Variants in NUBP1 observed in about 807,000 individuals in gnomAD.
The protein encoded by NUBP1 is cytosolic Fe-S cluster assembly factor NUBP1.
Under a neutral mutation model 41.8 loss-of-function variants are expected in NUBP1, and 46 were observed. That is an observed-to-expected ratio of 1.10 (90% CI 0.87 to 1.41). The LOEUF is 1.41. NUBP1 is among the 40% of genes most tolerant of loss of function. The probability of loss-of-function intolerance (pLI) is 0.00; values close to 1 mark genes in which losing one functional copy is unlikely to be tolerated. For synonymous variants in NUBP1, 189 were observed against 154.6 expected (o/e 1.22, Z -1.65); for missense variants, 494 against 414.0 (o/e 1.19, Z -1.68).
intron 3 of NUBP1, among the ~76,000 whole-genome samples, chr16:10,751,162 T>C (rs147811209): frequency 3.9e-5 from 6 of 152,140 alleles, no homozygotes; most frequent in Admixed American, 3.9e-4. Context: ...TCGCTCAAGA[T>C]TCACTCCCCA....
chr16:10,744,275 C>T (rs2541466), intron 2 of NUBP1, among the ~76,000 whole-genome samples: 30,566 of 152,076 alleles, frequency 0.2, 4,835 homozygotes, highest in African/African-American at 0.44. Flanking sequence ...GGAACGAGGC[C>T]TTTAGAAGGC....
At chr16:10,761,176 T>G in intron 7 of NUBP1, 188 bp from the exon 8 acceptor site, 1 of 515,936 alleles carries the variant, frequency 1.9e-6, no homozygotes, top group South Asian at 2.0e-5. Flanking sequence ...TGTAGGGATG[T>G]AGGGATGATG....
At chr16:10,758,079 G>C (rs747320664) in intron 7 of NUBP1, 52 bp downstream of exon 7, 37 of 1,586,730 alleles carry the variant, frequency 2.3e-5, no homozygotes, top group Non-Finnish European at 3.2e-5. Flanking sequence ...CACACTGTGA[G>C]ATTTCTTTCC....
At position 10,747,226 on chromosome 16, in the gene NUBP1, A is replaced by G. The variant is rs1455169565; in HGVS notation, c.208A>G (p.Thr70Ala). The G allele has an allele frequency of 3.7e-6, 6 of 1,614,262 alleles. No homozygotes were observed. The South Asian group carries it at 6.6e-5, about 18-fold the overall frequency. The change falls in exon 3 of 11, where the codon ACA becomes GCA. Residue 70 changes from threonine to alanine, a missense_variant. By Grantham distance (58) the Thr-to-Ala change is moderately conservative. Transcript: ENST00000283027. ...LSGKGGVGKS[T>A]FSAHLAHGLA... The stretch of plus-strand genomic sequence containing the variant: ...TGGGAAAGGCGGTGTTGGGAAAAGC[A>G]CATTCAGCGCCCACCTTGCCCATGG...
chr16:10,751,262 G>A lies in NUBP1; in HGVS notation c.259-1348G>A, dbSNP rs115478023. ...GAGTCACTAGAAACCTGAGAGTATC[G>A]AGGAAAGTCTCTATCACAGTCATAG... On this transcript the variant is annotated intron_variant, in intron 3 of 10. Transcript: ENST00000283027. Among the ~76,000 whole-genome samples, 716 of 152,240 alleles carry A rather than the reference G, an allele frequency of 4.7e-3. 5 individuals are homozygous for A. The highest frequency in any genetic ancestry group is 0.011 in the African/African-American group (437 of 41,540).
In NUBP1 at chr16:10,767,806, G is replaced by C; in HGVS notation, c.821-143G>C. On this transcript the variant is annotated intron_variant, in intron 9 of 10. Coordinates refer to ENST00000283027, the MANE Select transcript of NUBP1 (RefSeq NM_002484.4). This position sits in a 1 kb window ranked among gnomAD's most constrained non-coding sequence, Gnocchi z 4.6. ...AAGGAAGGTCCCTGAGACCCCACTG[G>C]TCTTTTCTACTTTGTTCTTCATTAC... 1.4e-6 allele frequency: 1 copy of C among 715,016 alleles called. No homozygotes were observed. The allele number at this position is 715,016 out of a possible 1,614,324, so 44.3% of individuals were successfully genotyped here.
chr16:10,765,195 G>A lies in NUBP1; in HGVS notation c.821-2754G>A, dbSNP rs999451468. 1 of 152,342 alleles carries A rather than the reference G, an allele frequency of 6.6e-6. No individual in the cohort carries two copies. The highest frequency in any genetic ancestry group is 6.6e-5 in the Admixed American group (1 of 15,248). The allele number at this position is 152,342 out of a possible 1,614,324, so 9.4% of individuals were successfully genotyped here. ...GCCACATTTTCCAAGGTTTAATGAA[G>A]AGCTAGAAATCTATATCCTTACCCA... On this transcript the variant is annotated intron_variant, in intron 9 of 10. Coordinates refer to ENST00000283027, the MANE Select transcript of NUBP1 (RefSeq NM_002484.4). The surrounding 1 kb of genome is among the most constrained non-coding windows in gnomAD (Gnocchi z 4.0).
rs1341345180 is a variant in NUBP1 at position 10,767,328 on chromosome 16, C to T, written c.821-621C>T. The T allele has an allele frequency of 2.8e-5, 11 of 399,474 alleles. No homozygotes were observed. The highest frequency in any genetic ancestry group is 4.0e-5 in the Non-Finnish European group (9 of 226,850). The allele number at this position is 399,474 out of a possible 1,614,324, so 24.7% of individuals were successfully genotyped here. ...GGGTGTGCATAGGAGGGGACTGGAA[C>T]AATGGCCACATGGCGGGGAAAGACT... On this transcript the variant is annotated intron_variant, in intron 9 of 10. Transcript: ENST00000283027. This position sits in a 1 kb window ranked among gnomAD's most constrained non-coding sequence, Gnocchi z 4.6.
chr16:10,761,487 G>A lies in NUBP1; in HGVS notation c.717+13G>A. On this transcript the variant is annotated intron_variant, in intron 8 of 10. Coordinates refer to ENST00000283027, the MANE Select transcript of NUBP1 (RefSeq NM_002484.4). Reference sequence around the variant, plus strand: ...TCCTAAGTGCAAGGTGAGGGCGCGTGGGGCTGCCAGGCGAGCAAGATCTTG... The same window carrying A: ...TCCTAAGTGCAAGGTGAGGGCGCGTAGGGCTGCCAGGCGAGCAAGATCTTG... 5 of 1,603,942 alleles carry A rather than the reference G, an allele frequency of 3.1e-6. No individual in the cohort carries two copies. Among genetic ancestry groups the A allele is most frequent in the Non-Finnish European group, 3.4e-6 (4 of 1,171,272 alleles).
In NUBP1 at chr16:10,760,446, C is replaced by T. The variant is rs780072732; in HGVS notation, c.607-918C>T. Among the ~76,000 whole-genome samples the T allele has an allele frequency of 6.4e-4, 97 of 152,196 alleles. 3 individuals carry two copies. The highest frequency in any genetic ancestry group is 3.7e-4 in the Non-Finnish European group (25 of 68,040). On this transcript the variant is annotated intron_variant, in intron 7 of 10. Coordinates refer to ENST00000283027, the MANE Select transcript of NUBP1 (RefSeq NM_002484.4). ...TATAGGGACATGGAGCATGTAGATG[C>T]GTTAAAAGGTCATTTTCAGATAGGC...
In NUBP1 at chr16:10,766,722, G is replaced by C. The variant is rs3762185; in HGVS notation, c.821-1227G>C. The C allele has an allele frequency of 0.27, 106,241 of 389,450 alleles. 15,126 individuals carry two copies. Among genetic ancestry groups the C allele is most frequent in the South Asian group, 0.35 (2,393 of 6,912 alleles). The allele number at this position is 389,450 out of a possible 1,614,324, so 24.1% of individuals were successfully genotyped here. On this transcript the variant is annotated intron_variant, in intron 9 of 10. Coordinates refer to ENST00000283027, the MANE Select transcript of NUBP1 (RefSeq NM_002484.4). The surrounding 1 kb of genome is among the most constrained non-coding windows in gnomAD (Gnocchi z 4.8). Reference sequence around the variant, plus strand: ...TATTGAAAATGAAAGTCAACTCCACGGTGTGGGAGGAGAACGGGCCTGAGA... The same window carrying C: ...TATTGAAAATGAAAGTCAACTCCACCGTGTGGGAGGAGAACGGGCCTGAGA...
rs1299555025 is a variant in NUBP1 at position 10,765,229 on chromosome 16, T to C, written c.821-2720T>C. On this transcript the variant is annotated intron_variant, in intron 9 of 10. Transcript: ENST00000283027. This position sits in a 1 kb window ranked among gnomAD's most constrained non-coding sequence, Gnocchi z 4.0. ...ATCTATATCCTTACCCAAAGTCTCC[T>C]GATACTAAATGATAGCAACTAACTC... 6.8e-6 allele frequency: 1 copy of C among 147,234 alleles called. No individual in the cohort carries two copies. The highest frequency in any genetic ancestry group is 1.5e-5 in the Non-Finnish European group (1 of 67,752). 9.1% of individuals were successfully genotyped at this position (147,234 alleles called of 1,614,324 possible).
intron 3 of NUBP1, among the ~76,000 whole-genome samples, chr16:10,751,305 C>T (rs1900304875): frequency 6.6e-6 from 1 of 152,112 alleles, no homozygotes; most frequent in Non-Finnish European, 1.5e-5. Flanking sequence ...GTCATTTCCC[C>T]GTGGATCATT....
chr16:10,753,502 C>G (rs892213759), intron 4 of NUBP1, among the ~76,000 whole-genome samples: 1 of 152,012 alleles, frequency 6.6e-6, no homozygotes, highest in African/African-American at 2.4e-5. Context: ...AGGATTCCCC[C>G]AAGGGCAGTG....
In NUBP1 at chr16:10,759,865, CAA is replaced by C. The variant is rs1900824129; in HGVS notation, c.607-1498_607-1497del. Among the ~76,000 whole-genome samples the C allele has an allele frequency of 1.3e-5, 2 of 152,334 alleles. No individual in the cohort carries two copies. The highest frequency in any genetic ancestry group is 4.8e-5 in the African/African-American group (2 of 41,574). The stretch of plus-strand genomic sequence containing the variant: ...TTCCTCCGCATCCCAGCCTCAGTGT[CAA>C]GAGCCAAACAGGCATCTCAGGAAAA... On this transcript the variant is annotated intron_variant, in intron 7 of 10. Transcript: ENST00000283027. The surrounding 1 kb of genome is among the most constrained non-coding windows in gnomAD (Gnocchi z 4.7).
intron 7 of NUBP1, among the ~76,000 whole-genome samples, chr16:10,758,989 G>A (rs954412488): frequency 3.3e-5 from 5 of 152,180 alleles, no homozygotes; most frequent in Non-Finnish European, 7.3e-5. Flanking sequence ...CTGAGAAACT[G>A]AGGGCTCTTC....
intron 7 of NUBP1, 34 bp downstream of exon 7, chr16:10,758,061 C>G (rs752398866): frequency 6.2e-7 from 1 of 1,604,130 alleles, no homozygotes; most frequent in Non-Finnish European, 8.5e-7. Flanking sequence ...TGGGTCCAAA[C>G]TGTGCTCCAC....
At chr16:10,760,287 G>C (rs541455674) in intron 7 of NUBP1, among the ~76,000 whole-genome samples, 5 of 152,238 alleles carry the variant, frequency 3.3e-5, no homozygotes, top group Non-Finnish European at 5.9e-5. Flanking sequence ...AGCCACAGAC[G>C]GTGCCTAGAG....
Position 10,759,651 on chromosome 16 carries a change from C to T in NUBP1, c.606+1624C>T, listed in dbSNP as rs753634199. Among the ~76,000 whole-genome samples the T allele has an allele frequency of 5.3e-5, 8 of 152,140 alleles. No individual in the cohort carries two copies. Among genetic ancestry groups the T allele is most frequent in the Non-Finnish European group, 1.2e-4 (8 of 68,024 alleles). On this transcript the variant is annotated intron_variant, in intron 7 of 10. Coordinates refer to ENST00000283027, the MANE Select transcript of NUBP1 (RefSeq NM_002484.4). The surrounding 1 kb of genome is among the most constrained non-coding windows in gnomAD (Gnocchi z 4.7). ...ATTAGCCAGGCGTGGTGGTGGGCAC[C>T]TGTAATCCCAGCTACTTGGGAGGCT...
Sources: allele counts gnomAD v4.1 joint callset (sites outside exome capture counted in the v4.1 genomes callset), GRCh38; gene constraint gnomAD v4.1.1; non-coding constraint Gnocchi (gnomAD v3.1); transcripts MANE v1.5; gene names NCBI Gene and HGNC (gene_info 2026-07-23, HGNC 2026-07-21).